The following CEP128 variants were observed in gnomAD, a reference collection of about 807,000 sequenced individuals.
The protein encoded by CEP128 is centrosomal protein 128.
A neutral mutation model predicts 156.7 loss-of-function variants in CEP128; 132 were observed. The ratio of observed to expected loss-of-function variants is 0.84; its 90% CI spans 0.73 to 0.97. CEP128 has a LOEUF of 0.97. CEP128 is among the 50% of genes least tolerant of loss of function. The pLI, the probability that CEP128 is intolerant of heterozygous loss-of-function variation, is 0.00. For missense variants in CEP128, 1,252 were observed against 1,281.9 expected, an observed-to-expected ratio of 0.98 and a Z score of 0.36; for synonymous variants, 469 against 448.9, an observed-to-expected ratio of 1.04 and a Z score of -0.57.
At chr14:80,489,147 G>A (rs1887241386), downstream of CEP128, among the ~76,000 whole-genome samples, 1 of 150,570 alleles carries the variant, frequency 6.6e-6, no homozygotes, top group South Asian at 2.1e-4. Context: ...TAAAAAAAAA[G>A]AGAGAGAGAA....
At chr14:80,853,694 C>T (rs1178291195) in intron 9 of CEP128, among the ~76,000 whole-genome samples, 1 of 151,790 alleles carries the variant, frequency 6.6e-6, no homozygotes, top group Non-Finnish European at 1.5e-5. Flanking sequence ...AAAATGCCAG[C>T]ATGATTTTTC....
At chr14:80,803,355 TAA>T (rs11374763) in intron 13 of CEP128, among the ~76,000 whole-genome samples, 8 of 143,776 alleles carry the variant, frequency 5.6e-5, no homozygotes, top group Admixed American at 6.9e-5. Context: ...AGCCCTATGT[TAA>T]AAAAAAAAAA....
chr14:80,836,357 C>T lies in CEP128; in HGVS notation c.925-20G>A. ...TTCTACCTAACACATGGTCAAAAAT[C>T]AAACATCGGTTTTCACAATCAGAGA... On this transcript the variant is annotated intron_variant, in intron 11 of 24. Transcript: ENST00000555265. 1.9e-6 allele frequency: 3 copies of T among 1,613,250 alleles called. No homozygotes were observed. The highest frequency in any genetic ancestry group is 2.5e-6 in the Non-Finnish European group (3 of 1,179,668).
chr14:80,830,708 G>A (rs1330592959), intron 13 of CEP128: 2 of 181,482 alleles, frequency 1.1e-5, no homozygotes, highest in East Asian at 3.3e-4. Context: ...AGAACAACTA[G>A]AGGTCTGAAA....
At chr14:80,900,469 A>G (rs979929797) in intron 6 of CEP128, among the ~76,000 whole-genome samples, 7 of 152,258 alleles carry the variant, frequency 4.6e-5, no homozygotes, top group African/African-American at 1.7e-4. Flanking sequence ...GTAAACAAAT[A>G]AGCATGGCTG....
intron 19 of CEP128, among the ~76,000 whole-genome samples, chr14:80,609,831 TA>T (rs985606842): frequency 1.9e-4 from 29 of 151,316 alleles, no homozygotes; most frequent in African/African-American, 5.1e-4. Context: ...TCTTTTTTTT[TA>T]AAATTATATA....
downstream of CEP128, among the ~76,000 whole-genome samples, chr14:80,492,746 G>C (rs1887367084): frequency 1.3e-5 from 2 of 151,954 alleles, no homozygotes; most frequent in Admixed American, 1.3e-4. Flanking sequence ...AAAAACAAAA[G>C]GAAACTGTGT....
chr14:80,667,793 G>GCT, intron 19 of CEP128, among the ~76,000 whole-genome samples: 1 of 144,472 alleles, frequency 6.9e-6, no homozygotes, highest in East Asian at 2.1e-4. Context: ...GGGAGGCAGA[G>GCT]CTTACAGTGA....
intron 19 of CEP128, among the ~76,000 whole-genome samples, chr14:80,601,646 G>A (rs1005297250): frequency 2.6e-5 from 4 of 152,066 alleles, no homozygotes; most frequent in African/African-American, 9.6e-5. Context: ...TGTACAGCAC[G>A]TTACTGTACA....
At chr14:80,593,581 T>C (rs1223040383) in intron 19 of CEP128, among the ~76,000 whole-genome samples, 4 of 149,552 alleles carry the variant, frequency 2.7e-5, no homozygotes, top group African/African-American at 9.9e-5. Flanking sequence ...CCCCATCTTC[T>C]CAGCCCCAAA....
chr14:80,510,560 C>T (rs1888198011), intron 23 of CEP128, among the ~76,000 whole-genome samples: 1 of 152,090 alleles, frequency 6.6e-6, no homozygotes, highest in Non-Finnish European at 1.5e-5. Flanking sequence ...GAATAATTGA[C>T]TTCTTCCTTT....
intron 2 of CEP128, among the ~76,000 whole-genome samples, chr14:80,938,245 A>ATT (rs35236692): frequency 0.15 from 17,320 of 116,728 alleles, 1,960 homozygotes; most frequent in East Asian, 0.47. Context: ...CAGTGTTAGT[A>ATT]TTTTTTTTTT....
intron 23 of CEP128, among the ~76,000 whole-genome samples, chr14:80,508,170 C>T (rs1888072224): frequency 6.6e-6 from 1 of 152,172 alleles, no homozygotes; most frequent in East Asian, 1.9e-4. Flanking sequence ...CCTGCCTTGG[C>T]CCCCCAAAGT....
chr14:80,564,004 AT>A (rs1170720179), intron 20 of CEP128, among the ~76,000 whole-genome samples: 1 of 152,218 alleles, frequency 6.6e-6, no homozygotes, highest in East Asian at 1.9e-4. Context: ...AAGGGCTCTT[AT>A]AGGGCAGAAG....
At chr14:80,905,836 G>A in intron 5 of CEP128, 119 bp downstream of exon 5, 3 of 880,606 alleles carry the variant, frequency 3.4e-6, no homozygotes, top group East Asian at 5.6e-5. Flanking sequence ...ACAACTACAT[G>A]TACTATCATC....
chr14:80,718,848 T>A (rs1423254296), intron 19 of CEP128, among the ~76,000 whole-genome samples: 2 of 152,194 alleles, frequency 1.3e-5, no homozygotes, highest in Admixed American at 1.3e-4. Flanking sequence ...CCAGCGAACC[T>A]CTCATTTGCT....
intron 24 of CEP128, among the ~76,000 whole-genome samples, chr14:80,501,470 A>C (rs1359127025): frequency 6.6e-6 from 1 of 151,908 alleles, no homozygotes; most frequent in Non-Finnish European, 1.5e-5. Flanking sequence ...ACAAACACTA[A>C]AAATATTTAC....
In CEP128 at chr14:80,526,040, C is replaced by T. The variant is rs547556905; in HGVS notation, c.3072+829G>A. On this transcript the variant is annotated intron_variant, in intron 23 of 24. Coordinates refer to ENST00000555265, the MANE Select transcript of CEP128 (RefSeq NM_152446.5). ...GAGTGCACATTTGAATATAGATGGA[C>T]TCTCTCTGGGTCAGCATTCTCAACA... is the stretch of plus-strand genomic sequence containing the variant. Among the ~76,000 whole-genome samples, 219 of 152,076 alleles carry T rather than the reference C, an allele frequency of 1.4e-3. 1 individual carries two copies. The highest frequency in any genetic ancestry group is 5.0e-3 in the African/African-American group (206 of 41,502).
chr14:80,780,191 T>C (rs915598898), intron 15 of CEP128, among the ~76,000 whole-genome samples: 2 of 152,204 alleles, frequency 1.3e-5, no homozygotes, highest in African/African-American at 4.8e-5. Flanking sequence ...CAGAGCTTAT[T>C]AGACTCAAAA....
Sources: gnomAD v4.1 joint callset for allele counts (sites outside exome capture counted in the v4.1 genomes callset) on GRCh38, gnomAD v4.1.1 for gene constraint, MANE v1.5 for transcripts, NCBI Gene and HGNC (gene_info 2026-07-23, HGNC 2026-07-21) for gene names.